Variants in KLF15 observed in about 807,000 individuals in gnomAD.
KLF15 encodes the protein KLF transcription factor 15.
KLF15 carries 4 observed loss-of-function variants against 24.6 expected under a neutral mutation model. The ratio of observed to expected loss-of-function variants is 0.16; its 90% CI spans 0.08 to 0.37. The LOEUF (loss-of-function observed/expected upper bound fraction) is 0.37, where lower values mean the gene tolerates loss of function less well. KLF15 is among the 10% of genes least tolerant of loss of function. The pLI is 1.00. For missense variants in KLF15, 496 were observed against 560.6 expected, an observed-to-expected ratio of 0.88 and a Z score of 1.16; for synonymous variants, 246 against 236.3, an observed-to-expected ratio of 1.04 and a Z score of -0.37.
At chr3:126,294,429 T>C in the KLF15 span, among the ~76,000 whole-genome samples, 1 of 152,350 alleles carries the variant, frequency 6.6e-6, no homozygotes, top group South Asian at 2.1e-4. Context: ...CCTCTGGTGC[T>C]CATCGTCTTC....
At chr3:126,314,944 T>C in the KLF15 span, among the ~76,000 whole-genome samples, 4,216 of 152,236 alleles carry the variant, frequency 0.028, 78 homozygotes, top group Non-Finnish European at 0.043. Flanking sequence ...CACTACACAC[T>C]AGGGGCCGCA....
chr3:126,312,532 T>G, the KLF15 span, among the ~76,000 whole-genome samples: 1 of 152,194 alleles, frequency 6.6e-6, no homozygotes, highest in African/African-American at 2.4e-5. Flanking sequence ...TTCCCTCCTG[T>G]TTCTTATGTC....
chr3:126,355,781 A>C (rs769590284), intron 1 of KLF15, among the ~76,000 whole-genome samples: 3 of 152,224 alleles, frequency 2.0e-5, no homozygotes, highest in Non-Finnish European at 2.9e-5. Flanking sequence ...TGGGTGGCCC[A>C]GGTCAGCCAA....
At position 126,352,626 on chromosome 3, in the gene KLF15, G is replaced by T. The variant is rs760610029; in HGVS notation, c.297C>A (p.Ser99Arg). The change falls in exon 2 of 3, where the codon AGC becomes AGA. Residue 99 changes from serine (S) to arginine (R), a missense_variant. By Grantham distance (110) the Ser-to-Arg change is moderately radical. Coordinates refer to ENST00000296233, the MANE Select transcript of KLF15 (RefSeq NM_014079.4). ...GGGSGSSIGA[S>R]SGPVAWGPWR... is the part of the protein sequence containing the mutation. ...AGGGCCCCCAGGCCACGGGGCCACT[G>T]CTGGCCCCAATGCTACTGCCGCTGC... 1 of 1,602,870 alleles carries T rather than the reference G, an allele frequency of 6.2e-7. No homozygotes were observed. The highest frequency in any genetic ancestry group is 8.5e-7 in the Non-Finnish European group (1 of 1,175,490).
At chr3:126,341,537 C>T (rs550404548), downstream of KLF15, among the ~76,000 whole-genome samples, 11 of 152,256 alleles carry the variant, frequency 7.2e-5, no homozygotes, top group African/African-American at 2.4e-4. Context: ...AGGGTACATC[C>T]GGTCAGGGGC....
chr3:126,329,557 T>G, the KLF15 span, among the ~76,000 whole-genome samples: 1 of 152,218 alleles, frequency 6.6e-6, no homozygotes, highest in Non-Finnish European at 1.5e-5. Context: ...GATGTTTCAG[T>G]AATTTGTCAG....
At chr3:126,320,834 A>C in the KLF15 span, among the ~76,000 whole-genome samples, 1 of 151,888 alleles carries the variant, frequency 6.6e-6, no homozygotes, top group Non-Finnish European at 1.5e-5. Context: ...GATGCTGATC[A>C]AACTACACTT....
the KLF15 span, among the ~76,000 whole-genome samples, chr3:126,290,517 T>TTCCG: frequency 6.6e-6 from 1 of 151,354 alleles, no homozygotes; most frequent in East Asian, 1.9e-4. Context: ...CCTTCCTTCC[T>TTCCG]TCCTTCCTTC....
At chr3:126,312,440 G>C in the KLF15 span, among the ~76,000 whole-genome samples, 1 of 152,118 alleles carries the variant, frequency 6.6e-6, no homozygotes. Context: ...CATCCAAAGC[G>C]CTGGGACTAC....
At chr3:126,332,337 C>T in the KLF15 span, among the ~76,000 whole-genome samples, 1 of 146,348 alleles carries the variant, frequency 6.8e-6, no homozygotes, top group Non-Finnish European at 1.5e-5. Flanking sequence ...GCAGGGTATT[C>T]CAACAGACCT....
downstream of KLF15, among the ~76,000 whole-genome samples, chr3:126,341,994 T>A (rs367934351): frequency 1.1e-3 from 164 of 150,122 alleles, no homozygotes; most frequent in African/African-American, 3.9e-3. Flanking sequence ...GGGCCCCCAC[T>A]TCCCCCAGGC....
chr3:126,349,769 G>T (rs1375589218), intron 2 of KLF15, among the ~76,000 whole-genome samples: 4 of 152,200 alleles, frequency 2.6e-5, no homozygotes, highest in African/African-American at 7.2e-5. Flanking sequence ...AAGGAGTCCA[G>T]ACTGGTGCTT....
At chr3:126,329,759 GAAA>G in the KLF15 span, among the ~76,000 whole-genome samples, 3 of 120,608 alleles carry the variant, frequency 2.5e-5, no homozygotes, top group African/African-American at 6.0e-5. Context: ...TCCCCATACA[GAAA>G]AAAAAAAAAA....
the KLF15 span, among the ~76,000 whole-genome samples, chr3:126,327,513 G>A: frequency 6.6e-6 from 1 of 152,260 alleles, no homozygotes; most frequent in East Asian, 1.9e-4. Context: ...CAGTGGGTGA[G>A]GAGCAGGGTC....
downstream of KLF15, among the ~76,000 whole-genome samples, chr3:126,341,450 G>A (rs944384465): frequency 3.3e-5 from 5 of 152,206 alleles, no homozygotes; most frequent in Non-Finnish European, 5.9e-5. Flanking sequence ...TGAACTGCTT[G>A]TTTATGGATG....
chr3:126,319,485 G>A, the KLF15 span, among the ~76,000 whole-genome samples: 1 of 152,250 alleles, frequency 6.6e-6, no homozygotes. Flanking sequence ...TAACAGGCAT[G>A]TGGAGGTAGC....
intron 2 of KLF15, among the ~76,000 whole-genome samples, 164 bp from the exon 3 acceptor site, chr3:126,344,059 TCGG>T (rs1209500870): frequency 6.6e-6 from 1 of 152,140 alleles, no homozygotes; most frequent in Non-Finnish European, 1.5e-5. Context: ...CCCATCTACG[TCGG>T]TAAGGCTATA....
the KLF15 span, among the ~76,000 whole-genome samples, chr3:126,311,892 CTGGTCTGACCAGT>C: frequency 6.6e-6 from 1 of 152,234 alleles, no homozygotes; most frequent in Non-Finnish European, 1.5e-5. Context: ...GGGGAGGCCA[CTGGTCTGACCAGT>C]TGGCTATCAA....
chr3:126,310,534 A>T, the KLF15 span, among the ~76,000 whole-genome samples: 2 of 152,052 alleles, frequency 1.3e-5, no homozygotes, highest in African/African-American at 4.8e-5. Flanking sequence ...AAATCAGAGA[A>T]GGGGGGGTGG....
Sources: gnomAD v4.1 joint callset for allele counts (sites outside exome capture counted in the v4.1 genomes callset) on GRCh38, gnomAD v4.1.1 for gene constraint, MANE v1.5 for transcripts, NCBI Gene and HGNC (gene_info 2026-07-23, HGNC 2026-07-21) for gene names.